The following FBXO21 variants were observed in gnomAD, a reference collection of about 807,000 sequenced individuals.
FBXO21 encodes the protein F-box protein 21.
Under a neutral mutation model 76.6 loss-of-function variants are expected in FBXO21, and 32 were observed. The observed-to-expected ratio is 0.42, with a 90% CI of 0.32 to 0.56. FBXO21 has a LOEUF of 0.56. FBXO21 is among the 20% of genes least tolerant of loss of function. FBXO21 has a pLI of 0.16. For missense variants in FBXO21, 586 were observed against 797.3 expected, an observed-to-expected ratio of 0.73 and a Z score of 3.19; for synonymous variants, 328 against 311.5, an observed-to-expected ratio of 1.05 and a Z score of -0.56.
chr12:117,174,882 C>A, intron 4 of FBXO21, 85 bp from the exon 5 acceptor site: 1 of 1,417,172 alleles, frequency 7.1e-7, no homozygotes. Context: ...CATCCTGGGA[C>A]ATGGCTCTTT....
chr12:117,179,784 C>A (rs1289170805), intron 3 of FBXO21, among the ~76,000 whole-genome samples: 3 of 152,170 alleles, frequency 2.0e-5, no homozygotes, highest in East Asian at 1.9e-4. Flanking sequence ...ATTCAATCAA[C>A]CCTTCTTAAT....
chr12:117,165,536 A>T lies in FBXO21; in HGVS notation c.1275T>A (p.Leu425=). The part of the protein sequence containing the change: ...YLAMYPDQVQ[L]LLLQARLYFH... ...AGTAAAGCCTGGCTTGGAGGAGGAGAAGCTGCACCTGGTCCGGGTACATTG... is the reference window on the plus strand; with the variant it reads ...AGTAAAGCCTGGCTTGGAGGAGGAGTAGCTGCACCTGGTCCGGGTACATTG... The change falls in exon 9 of 12, where the codon CTT becomes CTA. Residue 425 remains leucine, a synonymous_variant. Coordinates refer to ENST00000622495, the MANE Select transcript of FBXO21 (RefSeq NM_015002.3). 6.2e-7 allele frequency: 1 copy of T among 1,613,912 alleles called. No individual in the cohort carries two copies.
intron 6 of FBXO21, among the ~76,000 whole-genome samples, 174 bp downstream of exon 6, chr12:117,174,031 G>A (rs1185863817): frequency 1.3e-5 from 2 of 152,090 alleles, no homozygotes; most frequent in African/African-American, 2.4e-5. Flanking sequence ...TAGCTACTCA[G>A]GAGGGTGCGG....
rs1955757488 is a variant in FBXO21 at position 117,145,311 on chromosome 12, T to C, written c.*776A>G. 6.6e-6 allele frequency: 1 copy of C among 152,108 alleles called. No homozygotes were observed. The highest frequency in any genetic ancestry group is 2.4e-5 in the African/African-American group (1 of 41,428). The allele number at this position is 152,108 out of a possible 1,614,324, so 9.4% of individuals were successfully genotyped here. A position where few individuals can be genotyped will look rare whatever the true frequency, so the allele number is the denominator to read the frequency against. On this transcript the variant is annotated 3_prime_UTR_variant, in exon 12 of 12. Transcript: ENST00000622495. ...AAAATGGAGGAATTGTAGATGAGTA[T>C]GGAAAAATCCATTCACAAAGTTCAC... is the stretch of plus-strand genomic sequence containing the variant.
chr12:117,173,601 A>G (rs1221165141), intron 6 of FBXO21, among the ~76,000 whole-genome samples: 1 of 152,172 alleles, frequency 6.6e-6, no homozygotes, highest in Non-Finnish European at 1.5e-5. Context: ...TGCAAAGAGG[A>G]CCCTGATTAG....
intron 2 of FBXO21, 126 bp from the exon 3 acceptor site, chr12:117,186,697 C>T: frequency 1.7e-6 from 1 of 595,242 alleles, no homozygotes; most frequent in South Asian, 2.2e-5. Flanking sequence ...TTCTACACTA[C>T]CTTGCACTAC....
intron 11 of FBXO21, 83 bp downstream of exon 11, chr12:117,155,708 C>T: frequency 6.9e-7 from 1 of 1,448,726 alleles, no homozygotes; most frequent in Non-Finnish European, 9.3e-7. Context: ...ATGGCCCACG[C>T]CCACAGTACC....
intron 7 of FBXO21, among the ~76,000 whole-genome samples, chr12:117,170,807 A>G (rs1956110160): frequency 6.6e-6 from 1 of 152,218 alleles, no homozygotes; most frequent in Non-Finnish European, 1.5e-5. Context: ...AATGTTTTAT[A>G]GTGTACAGAA....
intron 2 of FBXO21, 73 bp downstream of exon 2, chr12:117,189,154 T>A: frequency 1.3e-6 from 2 of 1,557,942 alleles, no homozygotes; most frequent in Non-Finnish European, 1.8e-6. Context: ...AAGAGCTGGA[T>A]GAGCTCATGC....
At chr12:117,188,501 C>T (rs756454814) in intron 2 of FBXO21, among the ~76,000 whole-genome samples, 16 of 151,718 alleles carry the variant, frequency 1.1e-4, no homozygotes, top group East Asian at 7.7e-4. Context: ...GCTGAGATTG[C>T]GCCACTGCAC....
In FBXO21 at chr12:117,167,008, T is replaced by C; in HGVS notation, c.1083A>G (p.Lys361=). ...GCTGGCCGATCAAGTACTCGCATTC[T>C]TTCACTGTCAGCTGCTTGCCTTTCC... ...AFGKGKQLTV[K]ECEYLIGQHV... The change falls in exon 8 of 12, where the codon AAA becomes AAG. Residue 361 remains lysine (K), a synonymous_variant. Transcript: ENST00000622495. 6.2e-7 allele frequency: 1 copy of C among 1,614,146 alleles called. No individual in the cohort carries two copies. The highest frequency in any genetic ancestry group is 8.5e-7 in the Non-Finnish European group (1 of 1,180,004).
chr12:117,148,358 A>T (rs972404179), intron 11 of FBXO21, among the ~76,000 whole-genome samples: 2 of 152,246 alleles, frequency 1.3e-5, no homozygotes, highest in African/African-American at 2.4e-5. Flanking sequence ...GGAAAACTGG[A>T]AGAGCAGTGT....
intron 3 of FBXO21, among the ~76,000 whole-genome samples, chr12:117,178,354 C>G (rs908964464): frequency 2.1e-4 from 32 of 152,132 alleles, no homozygotes; most frequent in Admixed American, 2.1e-3. Context: ...ATCAGCATTC[C>G]TGTGTTGCAG....
intron 8 of FBXO21, among the ~76,000 whole-genome samples, chr12:117,166,613 G>T (rs1242619790): frequency 6.6e-6 from 1 of 152,144 alleles, no homozygotes; most frequent in Non-Finnish European, 1.5e-5. Context: ...CTTGGACTTA[G>T]AAACAAGACA....
intron 3 of FBXO21, among the ~76,000 whole-genome samples, chr12:117,184,574 A>T (rs12370592): frequency 2.0e-5 from 3 of 151,968 alleles, no homozygotes; most frequent in Non-Finnish European, 2.9e-5. Flanking sequence ...ACCAAGAGGG[A>T]GAAACACCGT....
Position 117,167,001 on chromosome 12 carries a change from C to T in FBXO21, c.1090G>A (p.Glu364Lys), listed in dbSNP as rs1423985422. 11 of 1,614,052 alleles carry T rather than the reference C, an allele frequency of 6.8e-6. No individual in the cohort carries two copies. The highest frequency in any genetic ancestry group is 9.3e-6 in the Non-Finnish European group (11 of 1,179,942). ...GTCACGTGCTGGCCGATCAAGTACT[C>T]GCATTCTTTCACTGTCAGCTGCTTG... ...KGKQLTVKEC[E>K]YLIGQHVTAA... Residue 364 changes from glutamate to lysine, a missense_variant, in exon 8 of 12, where the codon GAG becomes AAG. Coordinates refer to ENST00000622495, the MANE Select transcript of FBXO21 (RefSeq NM_015002.3).
At chr12:117,147,179 T>C (rs1955780677) in intron 11 of FBXO21, among the ~76,000 whole-genome samples, 1 of 148,818 alleles carries the variant, frequency 6.7e-6, no homozygotes, top group Non-Finnish European at 1.5e-5. Context: ...GAGGAGGAGG[T>C]TGCAGTGAGC....
chr12:117,187,164 T>A (rs932793832), intron 2 of FBXO21, among the ~76,000 whole-genome samples: 1 of 151,784 alleles, frequency 6.6e-6, no homozygotes, highest in African/African-American at 2.4e-5. Context: ...CTCACGCCTG[T>A]AATCCCAGCA....
At chr12:117,186,309 T>C (rs1956283172) in intron 3 of FBXO21, among the ~76,000 whole-genome samples, 168 bp downstream of exon 3, 1 of 152,238 alleles carries the variant, frequency 6.6e-6, no homozygotes, top group Non-Finnish European at 1.5e-5. Flanking sequence ...TATATGTCAA[T>C]TGTCTTGGTG....
Sources: allele counts gnomAD v4.1 joint callset (sites outside exome capture counted in the v4.1 genomes callset), GRCh38; gene constraint gnomAD v4.1.1; transcripts MANE v1.5; gene names NCBI Gene and HGNC (gene_info 2026-07-23, HGNC 2026-07-21).